LRRC8D: variants seen among roughly 807,000 people sequenced by gnomAD.
The protein encoded by LRRC8D is volume-regulated anion channel subunit LRRC8D.
A neutral mutation model predicts 55.8 loss-of-function variants in LRRC8D; 20 were observed. The ratio of observed to expected loss-of-function variants is 0.36; its 90% CI spans 0.25 to 0.52. LRRC8D has a LOEUF of 0.52. Among genes scored for constraint, LRRC8D ranks in the 20% least tolerant of loss-of-function variants. The pLI, the probability that LRRC8D is intolerant of heterozygous loss-of-function variation, is 0.93. For synonymous variants in LRRC8D, 352 were observed against 377.0 expected, an observed-to-expected ratio of 0.93 and a Z score of 0.77; for missense variants, 651 against 1,030.8, an observed-to-expected ratio of 0.63 and a Z score of 5.05.
chr1:89,878,951 G>A (rs1662213403), intron 2 of LRRC8D, among the ~76,000 whole-genome samples: 1 of 140,260 alleles, frequency 7.1e-6, no homozygotes. Flanking sequence ...TGGGCAACAA[G>A]AGCGAAAATC....
intron 1 of LRRC8D, among the ~76,000 whole-genome samples, chr1:89,838,908 C>G (rs1003019695): frequency 6.6e-6 from 1 of 152,118 alleles, no homozygotes; most frequent in African/African-American, 2.4e-5. Context: ...TGACCTATTA[C>G]AAAATACATG....
At chr1:89,835,766 C>A (rs1039250150) in intron 1 of LRRC8D, among the ~76,000 whole-genome samples, 2 of 152,228 alleles carry the variant, frequency 1.3e-5, no homozygotes, top group Admixed American at 1.3e-4. Flanking sequence ...ATGCTTAGAA[C>A]AGTTCCTGGC....
chr1:89,839,683 A>G (rs1408396060), intron 1 of LRRC8D, among the ~76,000 whole-genome samples: 2 of 152,204 alleles, frequency 1.3e-5, no homozygotes, highest in Non-Finnish European at 2.9e-5. Flanking sequence ...TGAGTGCCAG[A>G]GACCTCCTTC....
At chr1:89,850,989 A>G (rs1661402004) in intron 2 of LRRC8D, among the ~76,000 whole-genome samples, 1 of 151,904 alleles carries the variant, frequency 6.6e-6, no homozygotes, top group Non-Finnish European at 1.5e-5. Context: ...GTGTCGACCT[A>G]TCTAGGAATA....
At chr1:89,828,248 T>C (rs2100699872) in intron 1 of LRRC8D, among the ~76,000 whole-genome samples, 2 of 152,350 alleles carry the variant, frequency 1.3e-5, no homozygotes, top group South Asian at 4.1e-4. Flanking sequence ...TGGTCCACCA[T>C]GGCCCTTGGT....
intron 2 of LRRC8D, among the ~76,000 whole-genome samples, chr1:89,906,573 C>G (rs1468943043): frequency 6.6e-6 from 1 of 152,200 alleles, no homozygotes; most frequent in East Asian, 1.9e-4. Context: ...TGCTTGCTCA[C>G]AATGCCTGTC....
chr1:89,918,295 C>A (rs1456383448), intron 2 of LRRC8D, among the ~76,000 whole-genome samples: 1 of 152,230 alleles, frequency 6.6e-6, no homozygotes, highest in African/African-American at 2.4e-5. Context: ...TAATAACCAG[C>A]AGCTGTTACT....
At chr1:89,918,886 G>C (rs1207141957) in intron 2 of LRRC8D, among the ~76,000 whole-genome samples, 1 of 152,156 alleles carries the variant, frequency 6.6e-6, no homozygotes, top group Admixed American at 6.5e-5. Context: ...GTTCAGGTTG[G>C]GTGCCTTCTG....
intron 1 of LRRC8D, among the ~76,000 whole-genome samples, chr1:89,832,215 T>C (rs1057251043): frequency 6.6e-6 from 1 of 152,240 alleles, no homozygotes; most frequent in Non-Finnish European, 1.5e-5. Context: ...TTGTTGTACA[T>C]ACACCCTCTT....
chr1:89,927,571 G>T (rs1010184651), intron 2 of LRRC8D, among the ~76,000 whole-genome samples: 13 of 152,202 alleles, frequency 8.5e-5, no homozygotes, highest in Non-Finnish European at 1.6e-4. Flanking sequence ...CAGTGGAATT[G>T]CAGGGTCATA....
chr1:89,870,475 CAA>C (rs994792559), intron 2 of LRRC8D, among the ~76,000 whole-genome samples: 3 of 141,934 alleles, frequency 2.1e-5, no homozygotes, highest in Admixed American at 7.0e-5. Context: ...GACCCTGTAT[CAA>C]AAAAAAAAAG....
chr1:89,856,943 T>C (rs1365199240), intron 2 of LRRC8D, among the ~76,000 whole-genome samples: 3 of 152,254 alleles, frequency 2.0e-5, no homozygotes, highest in Non-Finnish European at 4.4e-5. Flanking sequence ...TTTGAGAATG[T>C]CAATTATACT....
At chr1:89,884,268 G>A (rs1476088820) in intron 2 of LRRC8D, among the ~76,000 whole-genome samples, 1 of 152,128 alleles carries the variant, frequency 6.6e-6, no homozygotes, top group East Asian at 1.9e-4. Flanking sequence ...GCCTTAGGGT[G>A]GGCTGTAGAT....
intron 2 of LRRC8D, among the ~76,000 whole-genome samples, chr1:89,902,012 T>C (rs901393686): frequency 7.2e-5 from 11 of 152,272 alleles, no homozygotes; most frequent in African/African-American, 2.7e-4. Flanking sequence ...AACACATTTC[T>C]CTATAGCACT....
At chr1:89,906,047 G>A (rs1304877121) in intron 2 of LRRC8D, among the ~76,000 whole-genome samples, 1 of 152,314 alleles carries the variant, frequency 6.6e-6, no homozygotes, top group Admixed American at 6.5e-5. Context: ...CGCAGCTTTA[G>A]CTAAGGCTGT....
chr1:89,912,618 C>T (rs1426084210), intron 2 of LRRC8D, among the ~76,000 whole-genome samples: 1 of 152,116 alleles, frequency 6.6e-6, no homozygotes, highest in Non-Finnish European at 1.5e-5. Context: ...CCTTAATTGT[C>T]TGGTGCATTT....
chr1:89,864,448 A>G (rs1661794091), intron 2 of LRRC8D, among the ~76,000 whole-genome samples: 1 of 152,156 alleles, frequency 6.6e-6, no homozygotes, highest in African/African-American at 2.4e-5. Flanking sequence ...ACTTTCCATG[A>G]TGTATCCTTC....
chr1:89,922,601 C>T (rs17505615), intron 2 of LRRC8D, among the ~76,000 whole-genome samples: 5,604 of 152,262 alleles, frequency 0.037, 143 homozygotes, highest in Non-Finnish European at 0.055. Context: ...TACTTTGTGC[C>T]AGACCCTAAA....
chr1:89,933,114 A>G lies in LRRC8D; in HGVS notation c.46A>G (p.Thr16Ala). 6.2e-7 allele frequency: 1 copy of G among 1,613,264 alleles called. No homozygotes were observed. Among genetic ancestry groups the G allele is most frequent in the Non-Finnish European group, 8.5e-7 (1 of 1,179,210 alleles). The change falls in exon 3 of 3, where the codon ACT (threonine) becomes GCT (alanine). Residue 16 changes from threonine (T) to alanine (A), a missense_variant. Physicochemically the swap from Thr to Ala is moderately conservative, Grantham distance 58 (BLOSUM62 0). This residue lies in a region of LRRC8D where 15 missense variants were observed against 22.0 expected (regional missense o/e 0.68). Coordinates refer to ENST00000337338, the MANE Select transcript of LRRC8D (RefSeq NM_001134479.2). This position sits in a 1 kb window ranked among gnomAD's most constrained non-coding sequence, Gnocchi z 7.0. ...EVASLNDIQP[T>A]YRILKPWWDV... ...TGCATCACTTAATGACATTCAGCCA[A>G]CTTACCGAATCCTGAAACCATGGTG... is the stretch of plus-strand genomic sequence containing the variant.
Sources: allele counts gnomAD v4.1 joint callset (sites outside exome capture counted in the v4.1 genomes callset), GRCh38; gene constraint gnomAD v4.1.1; regional missense constraint gnomAD v4.1.1; non-coding constraint Gnocchi (gnomAD v3.1); transcripts MANE v1.5; gene names NCBI Gene and HGNC (gene_info 2026-07-23, HGNC 2026-07-21).